GNL3L: variants seen among roughly 807,000 people sequenced by gnomAD.
The protein encoded by GNL3L is guanine nucleotide-binding protein-like 3-like protein.
In GNL3L, 4 loss-of-function variants were observed where a neutral mutation model predicts 42.9. The observed-to-expected ratio is 0.09, with a 90% CI of 0.05 to 0.21. The LOEUF is 0.21. Ranked by LOEUF, GNL3L falls within the 10% of genes least tolerant of loss-of-function variation. The pLI is 1.00. For missense variants in GNL3L, 412 were observed against 481.7 expected, an observed-to-expected ratio of 0.86 and a Z score of 1.36; for synonymous variants, 159 against 176.3, an observed-to-expected ratio of 0.90 and a Z score of 0.78.
intron 16 of GNL3L, among the ~76,000 whole-genome samples, chrX:54,601,408 C>T (rs1054619427): frequency 9.0e-6 from 1 of 111,627 alleles, no homozygotes; most frequent in African/African-American, 3.3e-5. Context: ...ACCCAGAGAA[C>T]TTAACACGCT....
the GNL3L span, among the ~76,000 whole-genome samples, chrX:54,634,776 T>C: frequency 1.6e-4 from 16 of 97,494 alleles, no homozygotes; most frequent in African/African-American, 6.2e-4. Flanking sequence ...TGTGAACCAC[T>C]GCGCCCGGCT....
the GNL3L span, among the ~76,000 whole-genome samples, chrX:54,639,734 C>T: frequency 8.9e-6 from 1 of 112,005 alleles, no homozygotes; most frequent in East Asian, 2.8e-4. Flanking sequence ...CCGCCTGCGG[C>T]AGGGGTGCGC....
downstream of GNL3L, among the ~76,000 whole-genome samples, chrX:54,621,900 G>A (rs1304229276): frequency 8.9e-6 from 1 of 111,967 alleles, no homozygotes; most frequent in East Asian, 2.8e-4. Context: ...CTTCCTTGGT[G>A]TAAAATGATA....
rs183043995 is a variant in GNL3L at position 54,578,993 on chromosome X, T to C, written c.*45+18346T>C. 5.3e-5 allele frequency among the ~76,000 whole-genome samples: 6 copies of C among 112,463 alleles called. No individual in the cohort carries two copies. The East Asian group carries it at 1.7e-3, about 31-fold the overall frequency. Reference sequence around the variant, plus strand: ...ACTAATGATGTTTGGCTTTTCATGTTCTTATTTGACATTCATGCATAATCT... The same window carrying C: ...ACTAATGATGTTTGGCTTTTCATGTCCTTATTTGACATTCATGCATAATCT... On this transcript the variant is annotated intron_variant, in intron 16 of 16. Transcript: ENST00000674498.
chrX:54,601,811 C>G (rs1926007863), intron 16 of GNL3L, among the ~76,000 whole-genome samples: 1 of 111,660 alleles, frequency 9.0e-6, no homozygotes, highest in Non-Finnish European at 1.9e-5. Flanking sequence ...TTTTCTGTTA[C>G]TATATAAATG....
Position 54,563,555 on chromosome X carries a change from A to AG in GNL3L, c.*2955dup, listed in dbSNP as rs1208917202. 5.4e-5 allele frequency among the ~76,000 whole-genome samples: 6 copies of AG among 111,445 alleles called. No homozygotes were observed. The Admixed American group carries it at 5.8e-4, about 11-fold the overall frequency. On this transcript the variant is annotated 3_prime_UTR_variant, in exon 16 of 16. Coordinates refer to ENST00000360845, the MANE Select transcript of GNL3L (RefSeq NM_001184819.2). ...TCCCAGCATTTTGGGAGGCCGAGGC[A>AG]GGCGGATCACTTGAGGTCAGGAGTT...
chrX:54,625,838 G>A (rs1926354422), downstream of GNL3L, among the ~76,000 whole-genome samples: 1 of 109,595 alleles, frequency 9.1e-6, no homozygotes, highest in South Asian at 3.9e-4. Flanking sequence ...AGCAGAAAAA[G>A]TTTTTATAAC....
At chrX:54,593,981 C>T (rs1015960754) in intron 16 of GNL3L, among the ~76,000 whole-genome samples, 3 of 111,542 alleles carry the variant, frequency 2.7e-5, no homozygotes, top group Non-Finnish European at 5.7e-5. Context: ...ATTATTTCAA[C>T]TTTTTGAATG....
At chrX:54,544,198 C>T in intron 7 of GNL3L, 25 bp from the exon 8 acceptor site, 3 of 868,220 alleles carry the variant, frequency 3.5e-6, no homozygotes, top group African/African-American at 2.0e-5. Flanking sequence ...CTTACCAGCC[C>T]CATCTGTTCC....
chrX:54,579,981 A>G, intron 16 of GNL3L, among the ~76,000 whole-genome samples: 1 of 73,903 alleles, frequency 1.4e-5, no homozygotes, highest in Non-Finnish European at 2.2e-5. Context: ...CCTGGCCTAA[A>G]GTTTGTTTTT....
In GNL3L at chrX:54,593,947, T is replaced by C. The variant is rs1259818023; in HGVS notation, c.*46-26898T>C. Among the ~76,000 whole-genome samples, 3 of 111,775 alleles carry C rather than the reference T, an allele frequency of 2.7e-5. No homozygotes were observed. In the Admixed American group the frequency reaches 2.9e-4, roughly 11 times the overall value. On this transcript the variant is annotated intron_variant, in intron 16 of 16. Transcript: ENST00000674498. Reference sequence around the variant, plus strand: ...TTTATTGATTTCTAGTTTTATTCCATTGTGGTCAGAGAAGATGCTTGATAT... The same window carrying C: ...TTTATTGATTTCTAGTTTTATTCCACTGTGGTCAGAGAAGATGCTTGATAT...
In GNL3L at chrX:54,562,794, GAAAA is replaced by G. The variant is rs375010796; in HGVS notation, c.*2204_*2207del. ...GGGGACAGAGTGAGACTTCGTCTCG[GAAAA>G]AAAAAAAAAAAGTTGACAGGATGGC... On this transcript the variant is annotated 3_prime_UTR_variant, in exon 16 of 16. Transcript: ENST00000360845. Among the ~76,000 whole-genome samples, 1 of 94,432 alleles carries G rather than the reference GAAAA, an allele frequency of 1.1e-5. No individual in the cohort carries two copies. The highest frequency in any genetic ancestry group is 3.9e-5 in the African/African-American group (1 of 25,969). 82.0% of individuals were successfully genotyped at this position (94,432 alleles called of 115,157 possible).
chrX:54,625,867 A>G (rs900152685), downstream of GNL3L, among the ~76,000 whole-genome samples: 3 of 104,449 alleles, frequency 2.9e-5, no homozygotes, highest in African/African-American at 1.2e-4. Flanking sequence ...ATATATGTGT[A>G]TATACATATA....
chrX:54,538,380 A>G (rs990415287), intron 2 of GNL3L, among the ~76,000 whole-genome samples: 2 of 111,371 alleles, frequency 1.8e-5, no homozygotes, highest in South Asian at 3.8e-4. Flanking sequence ...TTGAGCCCCT[A>G]TGAAGGTGGT....
At position 54,567,118 on chromosome X, in the gene GNL3L, T is replaced by C. The variant is rs1021684497; in HGVS notation, c.*6516T>C. ...CAATTTTTGTATATGGTACAAGGTA[T>C]GAATCTATGCTTTTTAAAAAAATAT... On this transcript the variant is annotated 3_prime_UTR_variant, in exon 16 of 16. Coordinates refer to ENST00000360845, the MANE Select transcript of GNL3L (RefSeq NM_001184819.2). 1.3e-4 allele frequency among the ~76,000 whole-genome samples: 15 copies of C among 111,926 alleles called. No individual in the cohort carries two copies. The highest frequency in any genetic ancestry group is 2.3e-4 in the Non-Finnish European group (12 of 53,275).
At chrX:54,540,957 T>A (rs1480475692) in intron 4 of GNL3L, among the ~76,000 whole-genome samples, 2 of 111,800 alleles carry the variant, frequency 1.8e-5, no homozygotes, top group Non-Finnish European at 3.8e-5. Context: ...CTGCCCAGCC[T>A]TCTTCCTTAT....
At chrX:54,612,602 A>C (rs750746184) in intron 16 of GNL3L, among the ~76,000 whole-genome samples, 29 of 111,946 alleles carry the variant, frequency 2.6e-4, no homozygotes, top group Non-Finnish European at 5.1e-4. Flanking sequence ...TCCTTTTAGC[A>C]ATTCCTGTAG....
intron 9 of GNL3L, among the ~76,000 whole-genome samples, chrX:54,549,451 C>G (rs1390288740): frequency 2.7e-5 from 3 of 112,373 alleles, no homozygotes; most frequent in Non-Finnish European, 5.6e-5. Context: ...GTAGCCCCAG[C>G]ACTTTGGGAG....
rs1033765231 is a variant in GNL3L at position 54,541,353 on chromosome X, G to A, written c.270G>A (p.Gln90=). ...QKRRTIESYC[Q]DVLRRQEEFE... ...GCAGGACCATTGAGAGCTACTGTCAGGATGTCCTAAGACGCCAGGAGGAGT... is the reference window on the plus strand; with the variant it reads ...GCAGGACCATTGAGAGCTACTGTCAAGATGTCCTAAGACGCCAGGAGGAGT... The change falls in exon 5 of 16, where the codon CAG becomes CAA. Residue 90 remains glutamine, a synonymous_variant. Coordinates refer to ENST00000360845, the MANE Select transcript of GNL3L (RefSeq NM_001184819.2). The A allele has an allele frequency of 1.7e-6, 2 of 1,203,098 alleles. No homozygotes were observed. Among genetic ancestry groups the A allele is most frequent in the Non-Finnish European group, 2.2e-6 (2 of 888,910 alleles).
Sources: gnomAD v4.1 joint callset for allele counts (sites outside exome capture counted in the v4.1 genomes callset) on GRCh38, gnomAD v4.1.1 for gene constraint, MANE v1.5 for transcripts, NCBI Gene and HGNC (gene_info 2026-07-23, HGNC 2026-07-21) for gene names.